The following DCTN1 variants were observed in gnomAD, a reference collection of about 807,000 sequenced individuals.
DCTN1 encodes the protein 150 kDa dynein-associated polypeptide.
In DCTN1, 61 loss-of-function variants were observed where a neutral mutation model predicts 161.2. The observed-to-expected ratio is 0.38, with a 90% CI of 0.31 to 0.47. The LOEUF (loss-of-function observed/expected upper bound fraction) is 0.47, where lower values mean the gene tolerates loss of function less well. Ranked by LOEUF, DCTN1 falls within the 20% of genes least tolerant of loss-of-function variation. The probability of loss-of-function intolerance (pLI) is 0.99; values close to 1 mark genes in which losing one functional copy is unlikely to be tolerated. For synonymous variants in DCTN1, 653 were observed against 632.4 expected (o/e 1.03, Z -0.49); for missense variants, 1,404 against 1,623.7 (o/e 0.86, Z 2.33).
intron 7 of DCTN1, chr2:74,371,979 A>C (rs1262154940): frequency 1.9e-6 from 1 of 515,354 alleles, no homozygotes; most frequent in African/African-American, 1.9e-5. Context: ...AAAAGATAAG[A>C]GAAAGACATA....
chr2:74,362,027 T>C, intron 31 of DCTN1, 25 bp downstream of exon 31: 4 of 1,610,842 alleles, frequency 2.5e-6, no homozygotes, highest in Non-Finnish European at 2.5e-6. Context: ...CACTGTCCCA[T>C]CCTCCACCCC....
chr2:74,391,242 CG>C (rs1295420961), intron 1 of DCTN1: 1 of 157,288 alleles, frequency 6.4e-6, no homozygotes, highest in Non-Finnish European at 1.4e-5. Context: ...CAATAAATGA[CG>C]GTAAGTTTTC....
At position 74,362,101 on chromosome 2, in the gene DCTN1, G is replaced by A; in HGVS notation, c.3650C>T (p.Ala1217Val). 1 of 1,613,834 alleles carries A rather than the reference G, an allele frequency of 6.2e-7. No individual in the cohort carries two copies. Among genetic ancestry groups the A allele is most frequent in the Non-Finnish European group, 8.5e-7 (1 of 1,179,876 alleles). Residue 1217 changes from alanine (A) to valine (V), a missense_variant, in exon 31 of 32, where the codon GCC becomes GTC. Ala to Val is a moderately conservative substitution (Grantham distance 64). This residue lies in a region of DCTN1 where 311 missense variants were observed against 298.9 expected (regional missense o/e 1.04). Transcript: ENST00000628224. The stretch of plus-strand genomic sequence containing the variant: ...GGTGGCAAAGTCAGTGGGTACTGTG[G>A]CTCCAGGGCGCTGAGATACTGTCTC... ...LKETVSQRPGATVPTDFATFP... is the reference protein window; with the variant it reads ...LKETVSQRPGVTVPTDFATFP...
At chr2:74,368,177 G>A (rs758337200) in intron 16 of DCTN1, 46 bp from the exon 17 acceptor site, 4 of 1,554,306 alleles carry the variant, frequency 2.6e-6, no homozygotes, top group Non-Finnish European at 3.5e-6. Context: ...GCAGAGGATG[G>A]AGAACAGAGA....
Position 74,363,040 on chromosome 2 carries a change from T to C in DCTN1, c.3483A>G (p.Gln1161=), listed in dbSNP as rs768662043. The stretch of plus-strand genomic sequence containing the variant: ...CTACTACGTGCGTGTGTGTGCTCAA[T>C]TGATTCAATGTCTCCAGCAGCTGGC... ...KTSQLLETLN[Q]LSTHTHVVDI... is the part of the protein sequence containing the mutation. The change falls in exon 29 of 32, where the codon CAA becomes CAG. Residue 1161 remains glutamine (Q), a synonymous_variant. Transcript: ENST00000628224. 11 of 1,613,924 alleles carry C rather than the reference T, an allele frequency of 6.8e-6. No homozygotes were observed. The Middle Eastern group carries it at 5.0e-4, about 73-fold the overall frequency.
At position 74,368,070 on chromosome 2, in the gene DCTN1, C is replaced by A. The variant is rs201095249; in HGVS notation, c.1916G>T (p.Arg639Leu). 1 of 1,611,272 alleles carries A rather than the reference C, an allele frequency of 6.2e-7. No homozygotes were observed. Among genetic ancestry groups the A allele is most frequent in the Admixed American group, 1.7e-5 (1 of 59,572 alleles). ...KFELSENCSE[R>L]PGLRGAAGEQ... Reference sequence around the variant, plus strand: ...CCCAGCAGCTCCTCGCAGCCCAGGCCGCTCTGAACAGTTCTCACTTAGTTC... The same window carrying A: ...CCCAGCAGCTCCTCGCAGCCCAGGCAGCTCTGAACAGTTCTCACTTAGTTC... The change falls in exon 17 of 32, where the codon CGG (arginine) becomes CTG (leucine). Residue 639 changes from arginine (R) to leucine (L), a missense_variant. By Grantham distance (102) the Arg-to-Leu change is moderately radical. Coordinates refer to ENST00000628224, the MANE Select transcript of DCTN1 (RefSeq NM_004082.5).
At chr2:74,365,396 G>A (rs1674331012) in intron 25 of DCTN1, 119 bp downstream of exon 25, 2 of 1,562,998 alleles carry the variant, frequency 1.3e-6, no homozygotes, top group Non-Finnish European at 1.7e-6. Context: ...GTTGGCAGTG[G>A]GTAAAGAAAA....
intron 16 of DCTN1, 36 bp from the exon 17 acceptor site, chr2:74,368,167 G>A (rs1423029973): frequency 2.6e-6 from 4 of 1,558,722 alleles, no homozygotes; most frequent in South Asian, 2.4e-5. Flanking sequence ...GGGCCTCAGA[G>A]CAGAGGATGG....
chr2:74,366,722 A>T, intron 21 of DCTN1, 61 bp downstream of exon 21: 1 of 1,614,216 alleles, frequency 6.2e-7, no homozygotes, highest in Admixed American at 1.7e-5. Context: ...CAGATCTTCA[A>T]GTGCTATACC....
Position 74,367,431 on chromosome 2 carries a change from A to G in DCTN1, c.2185-11T>C. The G allele has an allele frequency of 1.2e-6, 2 of 1,614,060 alleles. No individual in the cohort carries two copies. Among genetic ancestry groups the G allele is most frequent in the East Asian group, 2.2e-5 (1 of 44,870 alleles). On this transcript the variant is annotated splice_polypyrimidine_tract_variant and intron_variant, in intron 18 of 31. Coordinates refer to ENST00000628224, the MANE Select transcript of DCTN1 (RefSeq NM_004082.5). The stretch of plus-strand genomic sequence containing the variant: ...GATGCTGTACAGATGCTGAGGAGAG[A>G]TAACAGACAGACAACTTTTAGGCCC...
chr2:74,389,949 A>G (rs1192211504), intron 1 of DCTN1, among the ~76,000 whole-genome samples: 2 of 152,134 alleles, frequency 1.3e-5, no homozygotes, highest in Non-Finnish European at 2.9e-5. Context: ...AAGCACATAC[A>G]TCTGCTAAAA....
chr2:74,364,029 G>A lies in DCTN1; in HGVS notation c.3197-401C>T, dbSNP rs140379000. ...CTCACCAGCAGCAAAGCTTAAGTTGGGGATGCAAACACACTCCCTTGCTCC... is the reference window on the plus strand; with the variant it reads ...CTCACCAGCAGCAAAGCTTAAGTTGAGGATGCAAACACACTCCCTTGCTCC... On this transcript the variant is annotated intron_variant, in intron 26 of 31. Coordinates refer to ENST00000628224, the MANE Select transcript of DCTN1 (RefSeq NM_004082.5). The A allele has an allele frequency of 4.7e-4, 131 of 281,622 alleles. 1 individual carries two copies. Among genetic ancestry groups the A allele is most frequent in the African/African-American group, 2.5e-3 (118 of 46,496 alleles). 17.4% of individuals were successfully genotyped at this position (281,622 alleles called of 1,614,324 possible). A position where few individuals can be genotyped will look rare whatever the true frequency, so the allele number is the denominator to read the frequency against.
chr2:74,374,620 A>C, intron 5 of DCTN1: 1 of 1,245,532 alleles, frequency 8.0e-7, no homozygotes, highest in South Asian at 1.5e-5. Context: ...CAGGCACCGG[A>C]GCGGTGCCTG....
chr2:74,383,119 A>T (rs1675587382), upstream of DCTN1, among the ~76,000 whole-genome samples: 1 of 152,034 alleles, frequency 6.6e-6, no homozygotes, highest in Non-Finnish European at 1.5e-5. Flanking sequence ...AAAAATAAAA[A>T]ATATGTGGAA....
intron 3 of DCTN1, 50 bp downstream of exon 3, chr2:74,377,597 TG>T: frequency 3.9e-6 from 6 of 1,540,318 alleles, no homozygotes; most frequent in Non-Finnish European, 5.4e-6. Context: ...GGAGAAGTCC[TG>T]GGGACTCCTC....
At chr2:74,388,972 G>A (rs1343257292) in intron 1 of DCTN1, among the ~76,000 whole-genome samples, 1 of 152,122 alleles carries the variant, frequency 6.6e-6, no homozygotes, top group Non-Finnish European at 1.5e-5. Context: ...AGAAGCCTAA[G>A]AAACTAAAAG....
At chr2:74,362,560 G>C in intron 30 of DCTN1, 90 bp downstream of exon 30, 1 of 1,385,578 alleles carries the variant, frequency 7.2e-7, no homozygotes, top group South Asian at 1.2e-5. Flanking sequence ...TTGCTGTCTA[G>C]CACAGGGCTG....
rs1367060889 is a variant in DCTN1, at chr2:74,366,465, G to A, written c.2622C>T (p.Ser874=). 6.8e-6 allele frequency: 11 copies of A among 1,614,150 alleles called. No individual in the cohort carries two copies. The highest frequency in any genetic ancestry group is 6.7e-5 in the East Asian group (3 of 44,866). ...CCCAGCCATCCAGGCCCACCTGCTC[G>A]CTTGCTTTGAAAGCCAGTTCCTCCA... The part of the protein sequence containing the change: ...AALEELAFKA[S]EQIYGTPSSS... The change falls in exon 22 of 32, where the codon AGC becomes AGT. Residue 874 remains serine (S), a synonymous_variant. Transcript: ENST00000628224.
chr2:74,369,312 G>T lies in DCTN1; in HGVS notation c.1572C>A (p.Thr524=), dbSNP rs767084159. The part of the protein sequence containing the change: ...QQTIKKYRQL[T]AHLQDVNREL... ...AGTGGGCATGTACCTGTAGATGGGC[G>T]GTCAGCTGGCGGTACTTCTTGATGG... Residue 524 remains threonine, a synonymous_variant, in exon 14 of 32, where the codon ACC becomes ACA. Coordinates refer to ENST00000628224, the MANE Select transcript of DCTN1 (RefSeq NM_004082.5). The surrounding 1 kb of genome is among the most constrained non-coding windows in gnomAD (Gnocchi z 4.9). 1 of 1,614,080 alleles carries T rather than the reference G, an allele frequency of 6.2e-7. No homozygotes were observed. The highest frequency in any genetic ancestry group is 1.3e-5 in the African/African-American group (1 of 74,930).
Sources: gnomAD v4.1 joint callset for allele counts (sites outside exome capture counted in the v4.1 genomes callset) on GRCh38, gnomAD v4.1.1 for gene constraint, gnomAD v4.1.1 regional missense constraint, Gnocchi (gnomAD v3.1) non-coding constraint, MANE v1.5 for transcripts, NCBI Gene and HGNC (gene_info 2026-07-23, HGNC 2026-07-21) for gene names.